The following PTK2B variants were observed in gnomAD, a reference collection of about 807,000 sequenced individuals.
PTK2B encodes the protein protein-tyrosine kinase 2-beta.
In PTK2B, 71 loss-of-function variants were observed where a neutral mutation model predicts 142.9. The observed-to-expected ratio is 0.50, with a 90% CI of 0.41 to 0.61. The LOEUF (loss-of-function observed/expected upper bound fraction) is 0.61. PTK2B is among the 20% of genes least tolerant of loss of function. The pLI is 0.00. For synonymous variants in PTK2B, 519 were observed against 503.4 expected, an observed-to-expected ratio of 1.03 and a Z score of -0.42; for missense variants, 1,105 against 1,320.4, an observed-to-expected ratio of 0.84 and a Z score of 2.53.
intron 2 of PTK2B, among the ~76,000 whole-genome samples, chr8:27,404,970 TTATAAAAGAGGAAGAGG>T (rs1216855816): frequency 1.3e-5 from 2 of 149,822 alleles, no homozygotes; most frequent in Non-Finnish European, 3.0e-5. Flanking sequence ...ATTAGTGTCC[TTATAAAAGAGGAAGAGG>T]CTAGATTCCT....
Position 27,450,732 on chromosome 8 carries a change from C to G in PTK2B, c.2341-17C>G. On this transcript the variant is annotated splice_polypyrimidine_tract_variant and intron_variant, in intron 24 of 30. Coordinates refer to ENST00000346049, the MANE Select transcript of PTK2B (RefSeq NM_173176.3). ...GGGCTCATTGCATCCTCTCCCTTCT[C>G]TCTGCCGTCCTCCCAGGAGGAGGAC... 6.2e-7 allele frequency: 1 copy of G among 1,614,028 alleles called. No individual in the cohort carries two copies. Among genetic ancestry groups the G allele is most frequent in the Non-Finnish European group, 8.5e-7 (1 of 1,179,914 alleles).
chr8:27,405,928 G>A (rs970364476), intron 2 of PTK2B, among the ~76,000 whole-genome samples: 25 of 152,186 alleles, frequency 1.6e-4, no homozygotes, highest in African/African-American at 5.1e-4. Context: ...TATATAACCA[G>A]TGTATCAGTT....
intron 1 of PTK2B, among the ~76,000 whole-genome samples, chr8:27,375,164 G>A (rs1221762301): frequency 2.0e-5 from 3 of 152,194 alleles, no homozygotes; most frequent in African/African-American, 7.2e-5. Flanking sequence ...AGGAGGACAT[G>A]GGCTCAGGAG....
chr8:27,378,200 C>T (rs1414936259), intron 1 of PTK2B, among the ~76,000 whole-genome samples: 1 of 152,194 alleles, frequency 6.6e-6, no homozygotes, highest in African/African-American at 2.4e-5. Flanking sequence ...CAACCAAGGT[C>T]TCTCCTTGTA....
At chr8:27,311,222 G>C (rs994849862), upstream of PTK2B, 1 of 1,561,256 alleles carries the variant, frequency 6.4e-7, no homozygotes, top group Non-Finnish European at 8.7e-7. Flanking sequence ...GGACACGTCG[G>C]GACTCCGCTC....
In PTK2B at chr8:27,435,741, A is replaced by G; in HGVS notation, c.1193-2A>G. 5 of 1,614,124 alleles carry G rather than the reference A, an allele frequency of 3.1e-6. No individual in the cohort carries two copies. Among genetic ancestry groups the G allele is most frequent in the Non-Finnish European group, 4.2e-6 (5 of 1,180,020 alleles). Reference sequence around the variant, plus strand: ...CGGCTGAGCCTCTTCCTGTTGTTCCAGAGTCAGACATCTACGCAGAGATTC... The same window carrying G: ...CGGCTGAGCCTCTTCCTGTTGTTCCGGAGTCAGACATCTACGCAGAGATTC... On this transcript the variant is annotated splice_acceptor_variant, in intron 13 of 30. Coordinates refer to ENST00000346049, the MANE Select transcript of PTK2B (RefSeq NM_173176.3). LOFTEE classifies it high-confidence loss of function.
chr8:27,350,990 A>AAAATATATATAT (rs1554483396), intron 1 of PTK2B, among the ~76,000 whole-genome samples: 1 of 12,084 alleles, frequency 8.3e-5, no homozygotes, highest in Non-Finnish European at 1.6e-4. Flanking sequence ...AAAAAAAAAA[A>AAAATATATATAT]ATATATATAT....
In PTK2B at chr8:27,369,187, G is replaced by T. The variant is rs578068032; in HGVS notation, c.-37-28361G>T. 9.2e-5 allele frequency among the ~76,000 whole-genome samples: 14 copies of T among 152,066 alleles called. No individual in the cohort carries two copies. In the South Asian group the frequency reaches 2.5e-3, roughly 27 times the overall value. On this transcript the variant is annotated intron_variant, in intron 1 of 30. Transcript: ENST00000346049. ...AACCTCCACTTCCCTCTTCTTAAAGGCCTTGCCCTAAGACCTCTTCCTCCA... is the reference window on the plus strand; with the variant it reads ...AACCTCCACTTCCCTCTTCTTAAAGTCCTTGCCCTAAGACCTCTTCCTCCA...
chr8:27,397,449 G>A (rs1808120430), intron 1 of PTK2B, 99 bp from the exon 2 acceptor site: 1 of 879,796 alleles, frequency 1.1e-6, no homozygotes, highest in Non-Finnish European at 1.8e-6. Flanking sequence ...TATAGCATTT[G>A]TGTCTGTCTT....
chr8:27,370,062 A>G (rs1365786752), intron 1 of PTK2B, among the ~76,000 whole-genome samples: 2 of 152,250 alleles, frequency 1.3e-5, no homozygotes, highest in African/African-American at 4.8e-5. Context: ...TCTCCATTGA[A>G]GATGTGTTGG....
At chr8:27,411,289 C>A (rs982227836) in intron 2 of PTK2B, among the ~76,000 whole-genome samples, 4 of 152,086 alleles carry the variant, frequency 2.6e-5, no homozygotes, top group Non-Finnish European at 4.4e-5. Flanking sequence ...AGGATTCAGG[C>A]TGAGGAAGGC....
intron 1 of PTK2B, among the ~76,000 whole-genome samples, chr8:27,359,339 C>T (rs1805564602): frequency 6.6e-6 from 1 of 152,198 alleles, no homozygotes; most frequent in Admixed American, 6.5e-5. Flanking sequence ...TGGTCTCAAA[C>T]TCCTGACCTC....
chr8:27,344,511 T>G (rs1028705729), intron 1 of PTK2B, among the ~76,000 whole-genome samples: 4 of 152,246 alleles, frequency 2.6e-5, no homozygotes, highest in African/African-American at 7.2e-5. Flanking sequence ...TATAAAGCAC[T>G]TAGCATTCAT....
chr8:27,333,401 G>A (rs988344364), intron 1 of PTK2B, among the ~76,000 whole-genome samples: 3 of 152,182 alleles, frequency 2.0e-5, no homozygotes, highest in African/African-American at 7.2e-5. Flanking sequence ...GTCAGATTCT[G>A]GTGTGTAGAG....
intron 1 of PTK2B, among the ~76,000 whole-genome samples, chr8:27,326,226 A>ATATGTGTG (rs1442537834): frequency 1.4e-5 from 2 of 146,800 alleles, no homozygotes; most frequent in Admixed American, 1.4e-4. Flanking sequence ...GCTCGTGTGT[A>ATATGTGTG]TGTGTGTGTG....
chr8:27,395,932 C>T (rs1399894851), intron 1 of PTK2B: 1 of 152,164 alleles, frequency 6.6e-6, no homozygotes. Context: ...ACATGTCCAG[C>T]AGATGTTTGT....
intron 24 of PTK2B, among the ~76,000 whole-genome samples, chr8:27,448,034 C>T (rs974999531): frequency 1.3e-5 from 2 of 152,198 alleles, no homozygotes; most frequent in Admixed American, 6.5e-5. Flanking sequence ...GCCAGAAGGT[C>T]GTGGGTACCA....
At chr8:27,404,722 T>C (rs1808597111) in intron 2 of PTK2B, among the ~76,000 whole-genome samples, 1 of 152,192 alleles carries the variant, frequency 6.6e-6, no homozygotes, top group South Asian at 2.1e-4. Context: ...ACCCATTGAC[T>C]TTCCCCTTCG....
rs956918133 is a variant in PTK2B at position 27,436,465 on chromosome 8, C to A, written c.1341+117C>A. On this transcript the variant is annotated intron_variant, in intron 15 of 30. Coordinates refer to ENST00000346049, the MANE Select transcript of PTK2B (RefSeq NM_173176.3). Reference sequence around the variant, plus strand: ...CTTCATCCACTTGGGGCCCCTTGTCCCTAAGGGCCTCTTGTCCACTGGGCA... The same window carrying A: ...CTTCATCCACTTGGGGCCCCTTGTCACTAAGGGCCTCTTGTCCACTGGGCA... 3.5e-5 allele frequency: 28 copies of A among 809,856 alleles called. No individual in the cohort carries two copies. The African/African-American group carries it at 4.6e-4, about 13-fold the overall frequency. 50.2% of individuals were successfully genotyped at this position (809,856 alleles called of 1,614,324 possible).
Sources: gnomAD v4.1 joint callset for allele counts (sites outside exome capture counted in the v4.1 genomes callset) on GRCh38, gnomAD v4.1.1 for gene constraint, MANE v1.5 for transcripts, NCBI Gene and HGNC (gene_info 2026-07-23, HGNC 2026-07-21) for gene names.